Variants in NUAK1 observed in about 807,000 individuals in gnomAD.
The protein encoded by NUAK1 is NUAK family SNF1-like kinase 1.
NUAK1 carries 26 observed loss-of-function variants against 56.9 expected under a neutral mutation model. The observed-to-expected ratio is 0.46, with a 90% confidence interval of 0.33 to 0.63. The LOEUF (loss-of-function observed/expected upper bound fraction) is 0.63, where lower values mean the gene tolerates loss of function less well. Ranked by LOEUF, NUAK1 falls within the 30% of genes least tolerant of loss-of-function variation. The probability of loss-of-function intolerance (pLI) is 0.02; values close to 1 mark genes in which losing one functional copy is unlikely to be tolerated. For synonymous variants in NUAK1, 337 were observed against 336.0 expected, an observed-to-expected ratio of 1.00 and a Z score of -0.03; for missense variants, 727 against 876.1, an observed-to-expected ratio of 0.83 and a Z score of 2.15.
intron 1 of NUAK1, among the ~76,000 whole-genome samples, chr12:106,115,718 C>T (rs554061663): frequency 3.3e-5 from 5 of 152,208 alleles, no homozygotes; most frequent in Non-Finnish European, 5.9e-5. Flanking sequence ...CCCAAGAAAC[C>T]GCAGGCTGAG....
At chr12:106,117,172 T>C (rs1391750003) in intron 1 of NUAK1, among the ~76,000 whole-genome samples, 1 of 152,158 alleles carries the variant, frequency 6.6e-6, no homozygotes, top group African/African-American at 2.4e-5. Flanking sequence ...GAGACCAAGA[T>C]ACTTCACCCT....
In NUAK1 at chr12:106,083,884, C is replaced by G. The variant is rs770705202; in HGVS notation, c.559G>C (p.Asp187His). ...TTTACCTTAATATTGCAGTTGTCAT[C>G]GAGCAGTATATTTTCCAGCTTCAAG... is the stretch of plus-strand genomic sequence containing the variant. ...RDLKLENILL[D>H]DNCNIKIADF... The change falls in exon 4 of 7, where the codon GAT (aspartate) becomes CAT (histidine). Residue 187 changes from aspartate to histidine, a missense_variant. Coordinates refer to ENST00000261402, the MANE Select transcript of NUAK1 (RefSeq NM_014840.3). 6 of 1,613,900 alleles carry G rather than the reference C, an allele frequency of 3.7e-6. No individual in the cohort carries two copies. The highest frequency in any genetic ancestry group is 3.4e-6 in the Non-Finnish European group (4 of 1,179,974).
intron 1 of NUAK1, among the ~76,000 whole-genome samples, chr12:106,111,487 C>T (rs2136474399): frequency 6.6e-6 from 1 of 152,216 alleles, no homozygotes; most frequent in South Asian, 2.1e-4. Flanking sequence ...AATCCCTGCC[C>T]TCCTCCTTTT....
At chr12:106,095,154 C>T (rs1320864605) in intron 2 of NUAK1, among the ~76,000 whole-genome samples, 1 of 152,158 alleles carries the variant, frequency 6.6e-6, no homozygotes, top group African/African-American at 2.4e-5. Flanking sequence ...CACACACACA[C>T]CACTCTTTCT....
At chr12:106,118,742 A>G (rs1451931557) in intron 1 of NUAK1, among the ~76,000 whole-genome samples, 1 of 152,246 alleles carries the variant, frequency 6.6e-6, no homozygotes, top group Non-Finnish European at 1.5e-5. Flanking sequence ...TTCTCCATGT[A>G]AAACATTTGG....
At chr12:106,131,131 C>G (rs182958404) in intron 1 of NUAK1, among the ~76,000 whole-genome samples, 1 of 152,272 alleles carries the variant, frequency 6.6e-6, no homozygotes, top group East Asian at 1.9e-4. Context: ...GAGATAGAGG[C>G]TTCCACCCCT....
rs2033155717 is a variant in NUAK1, at chr12:106,138,754, C to A, written c.-101G>T. ...GGAAGCCGCTGTACGCTCAAGGTCG[C>A]CCCCGCAGCATCAGGGAGGCGGCCC... On this transcript the variant is annotated 5_prime_UTR_variant, in exon 1 of 7. Transcript: ENST00000261402. The surrounding 1 kb of genome is among the most constrained non-coding windows in gnomAD (Gnocchi z 5.0). 7.1e-7 allele frequency: 1 copy of A among 1,400,594 alleles called. No individual in the cohort carries two copies. The highest frequency in any genetic ancestry group is 9.3e-7 in the Non-Finnish European group (1 of 1,079,466). The allele number at this position is 1,400,594 out of a possible 1,614,324, so 86.8% of individuals were successfully genotyped here. A position where few individuals can be genotyped will look rare whatever the true frequency, so the allele number is the denominator to read the frequency against.
rs1208388075 is a variant in NUAK1 at position 106,066,844 on chromosome 12, C to G, written c.1944G>C (p.Gln648His). ...AGATCTCCAGCGCTTGCTTGTAGAC[C>G]TGAGTCACATCATCCATGTCTGTGA... is the stretch of plus-strand genomic sequence containing the variant. ...SLLTDMDDVT[Q>H]VYKQALEICS... is the part of the protein sequence containing the mutation. The change falls in exon 7 of 7, where the codon CAG (glutamine) becomes CAC (histidine). Residue 648 changes from glutamine to histidine, a missense_variant. Transcript: ENST00000261402. 6.2e-7 allele frequency: 1 copy of G among 1,614,058 alleles called. No homozygotes were observed. Among genetic ancestry groups the G allele is most frequent in the Non-Finnish European group, 8.5e-7 (1 of 1,179,954 alleles).
At chr12:106,132,522 C>T (rs1246160116) in intron 1 of NUAK1, among the ~76,000 whole-genome samples, 2 of 152,228 alleles carry the variant, frequency 1.3e-5, no homozygotes, top group Admixed American at 6.5e-5. Flanking sequence ...TCAACACACA[C>T]TGGCATGGTG....
At chr12:106,105,283 A>C (rs2032789916) in intron 2 of NUAK1, among the ~76,000 whole-genome samples, 1 of 152,164 alleles carries the variant, frequency 6.6e-6, no homozygotes, top group African/African-American at 2.4e-5. Flanking sequence ...CATATTTTTA[A>C]ATATTCTAGG....
chr12:106,118,502 T>TGTCGTGGAAGGTCTG (rs1565926986), intron 1 of NUAK1, among the ~76,000 whole-genome samples: 1 of 152,228 alleles, frequency 6.6e-6, no homozygotes, highest in Non-Finnish European at 1.5e-5. Flanking sequence ...ATTGCTCAAA[T>TGTCGTGGAAGGTCTG]GTCGTGGAAG....
chr12:106,085,908 T>A (rs911584652), intron 3 of NUAK1, among the ~76,000 whole-genome samples: 2 of 152,102 alleles, frequency 1.3e-5, no homozygotes, highest in African/African-American at 4.8e-5. Flanking sequence ...GATCTTGCTA[T>A]GTTGCCCTGG....
intron 2 of NUAK1, among the ~76,000 whole-genome samples, chr12:106,099,329 T>G (rs2032726080): frequency 6.6e-6 from 1 of 152,200 alleles, no homozygotes; most frequent in Admixed American, 6.5e-5. Flanking sequence ...GTTCTGCAGT[T>G]TAGAAAACAC....
Position 106,074,995 on chromosome 12 carries a change from G to A in NUAK1, c.580-2152C>T, listed in dbSNP as rs576965403. 3.2e-4 allele frequency among the ~76,000 whole-genome samples: 49 copies of A among 152,214 alleles called. No individual in the cohort carries two copies. The South Asian group carries it at 5.2e-3, about 16-fold the overall frequency. ...GCACAGGAAAATGCATTCTCTTCCCGCCTGGCAGTGCCTGGGGCACCATAT... is the reference window on the plus strand; with the variant it reads ...GCACAGGAAAATGCATTCTCTTCCCACCTGGCAGTGCCTGGGGCACCATAT... On this transcript the variant is annotated intron_variant, in intron 4 of 6. Transcript: ENST00000261402.
At chr12:106,080,190 T>C (rs1052985284) in intron 4 of NUAK1, among the ~76,000 whole-genome samples, 1 of 152,200 alleles carries the variant, frequency 6.6e-6, no homozygotes, top group African/African-American at 2.4e-5. Flanking sequence ...CCCTGGCCAT[T>C]CAAAGCTTCT....
intron 1 of NUAK1, among the ~76,000 whole-genome samples, chr12:106,121,213 T>C (rs1287360080): frequency 6.6e-6 from 1 of 152,152 alleles, no homozygotes; most frequent in Non-Finnish European, 1.5e-5. Context: ...TGAGCATCGG[T>C]TTCTTTAACC....
intron 1 of NUAK1, among the ~76,000 whole-genome samples, chr12:106,126,669 C>T (rs1158247756): frequency 6.6e-6 from 1 of 152,128 alleles, no homozygotes; most frequent in Non-Finnish European, 1.5e-5. Context: ...TCAATTCTTC[C>T]CTCTAAGTGA....
In NUAK1 at chr12:106,123,887, T is replaced by G. The variant is rs181145404; in HGVS notation, c.240+14527A>C. Among the ~76,000 whole-genome samples, 167 of 152,310 alleles carry G rather than the reference T, an allele frequency of 1.1e-3. 2 individuals are homozygous for G. Among genetic ancestry groups the G allele is most frequent in the African/African-American group, 3.9e-3 (162 of 41,564 alleles). Reference sequence around the variant, plus strand: ...GGCCCGAGACACTGCAAGGATTTTATGAGATTTCTTTGCTTCAAGCGTAAG... The same window carrying G: ...GGCCCGAGACACTGCAAGGATTTTAGGAGATTTCTTTGCTTCAAGCGTAAG... On this transcript the variant is annotated intron_variant, in intron 1 of 6. Coordinates refer to ENST00000261402, the MANE Select transcript of NUAK1 (RefSeq NM_014840.3).
intron 3 of NUAK1, 88 bp from the exon 4 acceptor site, chr12:106,084,017 G>T: frequency 9.0e-7 from 1 of 1,114,232 alleles, no homozygotes; most frequent in Non-Finnish European, 1.4e-6. Flanking sequence ...TGAGCAAAGG[G>T]AAATGTCTGA....
Sources: allele counts gnomAD v4.1 joint callset (sites outside exome capture counted in the v4.1 genomes callset), GRCh38; gene constraint gnomAD v4.1.1; non-coding constraint Gnocchi (gnomAD v3.1); transcripts MANE v1.5; gene names NCBI Gene and HGNC (gene_info 2026-07-23, HGNC 2026-07-21).